The following BBS9 variants were observed in gnomAD, a reference collection of about 807,000 sequenced individuals.
The protein encoded by BBS9 is protein PTHB1.
In BBS9, 89 loss-of-function variants were observed where a neutral mutation model predicts 117.7. That is an observed-to-expected ratio of 0.76 (90% CI 0.64 to 0.90). The LOEUF is 0.90. BBS9 is among the 40% of genes least tolerant of loss of function. The probability of loss-of-function intolerance (pLI) is 0.00; values close to 1 mark genes in which losing one functional copy is unlikely to be tolerated. For synonymous variants in BBS9, 379 were observed against 370.9 expected, an observed-to-expected ratio of 1.02 and a Z score of -0.25; for missense variants, 982 against 1,042.2, an observed-to-expected ratio of 0.94 and a Z score of 0.80.
chr7:33,391,500 G>A (rs1187392999), intron 19 of BBS9, among the ~76,000 whole-genome samples: 2 of 152,138 alleles, frequency 1.3e-5, no homozygotes, highest in African/African-American at 4.8e-5. Flanking sequence ...AACCAATAGT[G>A]TATGAAAATG....
At chr7:33,345,118 A>G (rs1817356876) in intron 12 of BBS9, among the ~76,000 whole-genome samples, 1 of 152,198 alleles carries the variant, frequency 6.6e-6, no homozygotes, top group Admixed American at 6.5e-5. Context: ...CTTTAAGTGG[A>G]TGTATTTACA....
intron 21 of BBS9, among the ~76,000 whole-genome samples, chr7:33,595,003 A>T (rs1862504215): frequency 6.6e-6 from 1 of 152,170 alleles, no homozygotes; most frequent in African/African-American, 2.4e-5. Flanking sequence ...CAGAAAACTG[A>T]AACTGGACCC....
At chr7:33,373,241 A>G (rs190747267) in intron 17 of BBS9, among the ~76,000 whole-genome samples, 1 of 152,310 alleles carries the variant, frequency 6.6e-6, no homozygotes, top group Non-Finnish European at 1.5e-5. Flanking sequence ...AAAAAAAACA[A>G]GTTACTCAAG....
intron 11 of BBS9, among the ~76,000 whole-genome samples, chr7:33,343,756 C>G (rs1044045395): frequency 6.6e-6 from 1 of 152,100 alleles, no homozygotes; most frequent in Admixed American, 6.5e-5. Flanking sequence ...GCTTCGGCCT[C>G]CCAAAGTGCT....
At chr7:33,606,218 G>C (rs894777899), downstream of BBS9, 9 of 152,018 alleles carry the variant, frequency 5.9e-5, no homozygotes, top group Non-Finnish European at 1.3e-4. Context: ...ACATCATTAT[G>C]ATCATTTATA....
chr7:33,533,683 C>T, intron 20 of BBS9: 1 of 503,274 alleles, frequency 2.0e-6, no homozygotes, highest in Non-Finnish European at 3.6e-6. Context: ...AAACCCTTCT[C>T]ATAGATCTCC....
intron 19 of BBS9, among the ~76,000 whole-genome samples, chr7:33,426,522 A>G (rs1386464268): frequency 2.0e-5 from 3 of 152,168 alleles, no homozygotes; most frequent in African/African-American, 7.2e-5. Flanking sequence ...CAGATTTCCC[A>G]AACTGTGATC....
Position 33,545,924 on chromosome 7 carries a change from C to CTTTTTTTT in BBS9, c.2521+11768_2521+11775dup, listed in dbSNP as rs10537037. ...ATACTATACCTACTGCTTTATAATC[C>CTTTTTTTT]TTTTTTTTTTTTTTTTTTTTTTTTT... On this transcript the variant is annotated intron_variant, in intron 21 of 22. Transcript: ENST00000242067. 7.7e-5 allele frequency among the ~76,000 whole-genome samples: 5 copies of CTTTTTTTT among 64,612 alleles called. 1 individual carries two copies. The highest frequency in any genetic ancestry group is 1.1e-4 in the Non-Finnish European group (4 of 35,984). The allele number at this position is 64,612 out of a possible 152,430, so 42.4% of individuals were successfully genotyped here.
chr7:33,179,318 G>A (rs146781207), intron 5 of BBS9, among the ~76,000 whole-genome samples: 51 of 152,324 alleles, frequency 3.3e-4, no homozygotes, highest in African/African-American at 1.2e-3. Flanking sequence ...AGCTACAGAT[G>A]TGTAGTGGTC....
At chr7:33,618,228 A>C (rs768013891) in intron 21 of BBS9, among the ~76,000 whole-genome samples, 1 of 152,074 alleles carries the variant, frequency 6.6e-6, no homozygotes, top group African/African-American at 2.4e-5. Flanking sequence ...GCCTGTGTTC[A>C]TAGCTACTCT....
In BBS9 at chr7:33,273,110, C is replaced by T; in HGVS notation, c.801C>T (p.Asn267=). ...CTGTTTTTGTTCTTGGTGAGAGAAA[C>T]TTTTTTTGCCTTAAGGATAATGGAC... ...ASSVFVLGER[N]FFCLKDNGQI... Residue 267 remains asparagine (N), a synonymous_variant, in exon 8 of 23, where the codon AAC becomes AAT. Coordinates refer to ENST00000242067, the MANE Select transcript of BBS9 (RefSeq NM_198428.3). The T allele has an allele frequency of 1.2e-6, 2 of 1,613,510 alleles. No individual in the cohort carries two copies. The highest frequency in any genetic ancestry group is 1.7e-6 in the Non-Finnish European group (2 of 1,179,704).
At chr7:33,214,421 A>G (rs959611302) in intron 5 of BBS9, among the ~76,000 whole-genome samples, 1 of 152,230 alleles carries the variant, frequency 6.6e-6, no homozygotes, top group Non-Finnish European at 1.5e-5. Flanking sequence ...GTAGTTGGTC[A>G]TCTGATTTTT....
At chr7:33,478,629 A>G (rs1842110501) in intron 19 of BBS9, among the ~76,000 whole-genome samples, 1 of 152,200 alleles carries the variant, frequency 6.6e-6, no homozygotes, top group Admixed American at 6.5e-5. Flanking sequence ...TGCTCTAGTC[A>G]AAACAATCAG....
At chr7:33,551,901 A>G (rs138144711) in intron 21 of BBS9, among the ~76,000 whole-genome samples, 8 of 152,226 alleles carry the variant, frequency 5.3e-5, no homozygotes, top group Admixed American at 4.6e-4. Context: ...TAAAATAATT[A>G]TGTTTGGCTA....
intron 20 of BBS9, among the ~76,000 whole-genome samples, chr7:33,518,245 C>CTTTTT (rs747829401): frequency 1.7e-3 from 161 of 93,906 alleles, no homozygotes; most frequent in Non-Finnish European, 2.2e-3. Context: ...TGTATATATT[C>CTTTTT]TTTTTTTTTT....
chr7:33,547,781 A>T (rs1240082293), intron 21 of BBS9, among the ~76,000 whole-genome samples: 1 of 152,206 alleles, frequency 6.6e-6, no homozygotes, highest in Admixed American at 6.5e-5. Context: ...GTTTTGAAAC[A>T]TTATTGTTTC....
At position 33,605,250 on chromosome 7, in the gene BBS9, G is replaced by A. The variant is rs759376527; in HGVS notation, c.*24G>A. 6.2e-7 allele frequency: 1 copy of A among 1,609,152 alleles called. No homozygotes were observed. Among genetic ancestry groups the A allele is most frequent in the South Asian group, 1.1e-5 (1 of 90,964 alleles). ...AATTCAAGTAGAGTTGTTTGGTTGA[G>A]AGGAACATCCCCATCTCAAGGCCGA... On this transcript the variant is annotated 3_prime_UTR_variant, in exon 23 of 23. Coordinates refer to ENST00000242067, the MANE Select transcript of BBS9 (RefSeq NM_198428.3).
chr7:33,432,401 G>A (rs765697835), intron 19 of BBS9, among the ~76,000 whole-genome samples: 22 of 151,312 alleles, frequency 1.5e-4, no homozygotes, highest in Non-Finnish European at 2.4e-4. Context: ...GAGCCACCGC[G>A]CCCAGCTGAT....
chr7:33,475,028 G>A (rs1306707308), intron 19 of BBS9, among the ~76,000 whole-genome samples: 2 of 152,182 alleles, frequency 1.3e-5, no homozygotes, highest in African/African-American at 2.4e-5. Context: ...GATCCTAATA[G>A]TCTTTGCCTT....
Sources: gnomAD v4.1 joint callset for allele counts (sites outside exome capture counted in the v4.1 genomes callset) on GRCh38, gnomAD v4.1.1 for gene constraint, MANE v1.5 for transcripts, NCBI Gene and HGNC (gene_info 2026-07-23, HGNC 2026-07-21) for gene names.